Variants in CCBE1 observed in about 807,000 individuals in gnomAD.
CCBE1 encodes the protein collagen and calcium binding EGF domains 1, also known as collagen and calcium-binding EGF domain-containing protein 1.
In CCBE1, 37 loss-of-function variants were observed where a neutral mutation model predicts 50.0. The ratio of observed to expected loss-of-function variants is 0.74; its 90% CI spans 0.57 to 0.97. CCBE1 has a LOEUF of 0.97. CCBE1 is among the 50% of genes least tolerant of loss of function. CCBE1 has a pLI of 0.00. For synonymous variants in CCBE1, 234 were observed against 203.7 expected, an observed-to-expected ratio of 1.15 and a Z score of -1.27; for missense variants, 538 against 523.8, an observed-to-expected ratio of 1.03 and a Z score of -0.26.
intron 2 of CCBE1, among the ~76,000 whole-genome samples, chr18:59,524,059 G>A (rs890797940): frequency 4.1e-4 from 62 of 152,278 alleles, no homozygotes; most frequent in African/African-American, 1.3e-3. Context: ...ATTGTCTCAC[G>A]CCTGTAATCC....
At chr18:59,546,965 GC>G (rs1352646491) in intron 2 of CCBE1, among the ~76,000 whole-genome samples, 1 of 150,210 alleles carries the variant, frequency 6.7e-6, no homozygotes, top group Non-Finnish European at 1.5e-5. Context: ...TATTGTAAAA[GC>G]CCAGGTGAGA....
intron 2 of CCBE1, among the ~76,000 whole-genome samples, chr18:59,487,236 T>G (rs973331973): frequency 3.3e-5 from 5 of 151,326 alleles, no homozygotes; most frequent in African/African-American, 1.2e-4. Flanking sequence ...CCAGCCACAC[T>G]GTGGCATGCC....
intron 2 of CCBE1, among the ~76,000 whole-genome samples, chr18:59,636,967 A>G (rs2053924155): frequency 6.6e-6 from 1 of 152,222 alleles, no homozygotes; most frequent in Non-Finnish European, 1.5e-5. Context: ...GTGACTTCTA[A>G]TATTCTAATG....
intron 2 of CCBE1, among the ~76,000 whole-genome samples, chr18:59,487,856 G>C (rs1912897641): frequency 6.6e-6 from 1 of 152,204 alleles, no homozygotes; most frequent in Non-Finnish European, 1.5e-5. Context: ...ATGTAGTCAA[G>C]AGAATTGAAA....
At chr18:59,496,704 G>A (rs1913372449) in intron 2 of CCBE1, among the ~76,000 whole-genome samples, 1 of 152,170 alleles carries the variant, frequency 6.6e-6, no homozygotes, top group Admixed American at 6.5e-5. Context: ...GTCCAGGCAA[G>A]CTGTCCAAGA....
At chr18:59,640,819 G>T (rs1008231981) in intron 2 of CCBE1, among the ~76,000 whole-genome samples, 2 of 152,118 alleles carry the variant, frequency 1.3e-5, no homozygotes, top group African/African-American at 4.8e-5. Context: ...ACTAAAAAGT[G>T]GAACAAAGGA....
chr18:59,650,584 C>A (rs896618728), intron 2 of CCBE1, among the ~76,000 whole-genome samples: 2 of 151,596 alleles, frequency 1.3e-5, no homozygotes, highest in African/African-American at 4.8e-5. Context: ...AAGTTATTAT[C>A]CCAGCCGGAA....
At chr18:59,574,566 T>C (rs1033062891) in intron 2 of CCBE1, among the ~76,000 whole-genome samples, 2 of 152,326 alleles carry the variant, frequency 1.3e-5, no homozygotes, top group East Asian at 3.9e-4. Flanking sequence ...TACACATATA[T>C]TCCACAAAAA....
At chr18:59,549,947 A>T (rs965551361) in intron 2 of CCBE1, among the ~76,000 whole-genome samples, 28 of 152,224 alleles carry the variant, frequency 1.8e-4, no homozygotes, top group African/African-American at 6.0e-4. Flanking sequence ...AGGATACAAT[A>T]GAGGACCTTG....
At chr18:59,612,072 A>ACAG (rs1297035860) in intron 2 of CCBE1, among the ~76,000 whole-genome samples, 1 of 152,206 alleles carries the variant, frequency 6.6e-6, no homozygotes, top group Non-Finnish European at 1.5e-5. Context: ...CAGGAAGCCT[A>ACAG]CAGCATAGGC....
At chr18:59,678,817 A>G (rs1386321504) in intron 2 of CCBE1, among the ~76,000 whole-genome samples, 1 of 152,146 alleles carries the variant, frequency 6.6e-6, no homozygotes, top group African/African-American at 2.4e-5. Context: ...ACAGGCATGA[A>G]CCACTGCACC....
intron 6 of CCBE1, among the ~76,000 whole-genome samples, chr18:59,451,612 G>C (rs1910937091): frequency 6.6e-6 from 1 of 152,004 alleles, no homozygotes; most frequent in Admixed American, 6.6e-5. Context: ...GGAGGTGGAG[G>C]CACTGAGGTC....
At chr18:59,582,957 C>A (rs1364497962) in intron 2 of CCBE1, among the ~76,000 whole-genome samples, 1 of 152,224 alleles carries the variant, frequency 6.6e-6, no homozygotes, top group South Asian at 2.1e-4. Flanking sequence ...TGACTGACCA[C>A]AGGCATGTAC....
chr18:59,694,331 A>C (rs1416607826), intron 2 of CCBE1, among the ~76,000 whole-genome samples: 1 of 152,196 alleles, frequency 6.6e-6, no homozygotes, highest in South Asian at 2.1e-4. Flanking sequence ...TATTACTTAC[A>C]GCTCAATTCA....
intron 2 of CCBE1, among the ~76,000 whole-genome samples, chr18:59,618,915 G>A (rs909295297): frequency 1.3e-5 from 2 of 152,258 alleles, no homozygotes; most frequent in East Asian, 3.9e-4. Flanking sequence ...GTATAGTGGA[G>A]AGAGAATATC....
chr18:59,675,683 G>A (rs1442465030), intron 2 of CCBE1, among the ~76,000 whole-genome samples: 1 of 152,226 alleles, frequency 6.6e-6, no homozygotes, highest in Non-Finnish European at 1.5e-5. Flanking sequence ...TCAGAGAGCA[G>A]AGAAGGTTGG....
At chr18:59,483,914 G>A (rs1487552614) in intron 2 of CCBE1, among the ~76,000 whole-genome samples, 1 of 152,150 alleles carries the variant, frequency 6.6e-6, no homozygotes, top group East Asian at 1.9e-4. Context: ...ATGTTAGAAG[G>A]AAATCATCCA....
intron 2 of CCBE1, among the ~76,000 whole-genome samples, chr18:59,686,614 G>A (rs2054657738): frequency 6.6e-6 from 1 of 152,148 alleles, no homozygotes; most frequent in South Asian, 2.1e-4. Flanking sequence ...TCACCTCAAA[G>A]CCTTTTGTGA....
At chr18:59,508,870 C>T (rs535034522) in intron 2 of CCBE1, among the ~76,000 whole-genome samples, 1 of 152,004 alleles carries the variant, frequency 6.6e-6, no homozygotes, top group East Asian at 2.0e-4. Flanking sequence ...GCATGTGCCA[C>T]CACATACACG....
Sources: allele counts gnomAD v4.1 joint callset (sites outside exome capture counted in the v4.1 genomes callset), GRCh38; gene constraint gnomAD v4.1.1; transcripts MANE v1.5; gene names NCBI Gene and HGNC (gene_info 2026-07-23, HGNC 2026-07-21).